Variants in CRYBG3 observed in about 807,000 individuals in gnomAD.
CRYBG3 encodes the protein crystallin beta-gamma domain containing 3, also known as very large A-kinase anchor protein.
Under a neutral mutation model 244.2 loss-of-function variants are expected in CRYBG3, and 127 were observed. The ratio of observed to expected loss-of-function variants is 0.52; its 90% CI spans 0.45 to 0.60. CRYBG3 has a LOEUF of 0.60. Among genes scored for constraint, CRYBG3 ranks in the 20% least tolerant of loss-of-function variants. The pLI is 0.00. For missense variants in CRYBG3, 3,325 were observed against 3,442.5 expected, an observed-to-expected ratio of 0.97 and a Z score of 0.85; for synonymous variants, 1,132 against 1,195.8, an observed-to-expected ratio of 0.95 and a Z score of 1.10.
intron 17 of CRYBG3, among the ~76,000 whole-genome samples, chr3:97,926,069 A>G (rs1005295299): frequency 2.0e-5 from 3 of 151,994 alleles, no homozygotes; most frequent in Admixed American, 6.6e-5. Flanking sequence ...CACTCATTCT[A>G]TGAGGCCAGC....
intron 15 of CRYBG3, among the ~76,000 whole-genome samples, chr3:97,905,026 GAA>G (rs2039754253): frequency 1.3e-5 from 2 of 151,600 alleles, no homozygotes; most frequent in South Asian, 4.2e-4. Context: ...AGTTTACTGA[GAA>G]TGATGATTTC....
At chr3:97,943,096 T>C (rs1233844789) in intron 21 of CRYBG3, 130 bp from the exon 22 acceptor site, 6 of 613,534 alleles carry the variant, frequency 9.8e-6, no homozygotes, top group Non-Finnish European at 1.7e-5. Flanking sequence ...CAGCTTCCCA[T>C]TTCAGACTTC....
chr3:97,899,051 G>A, intron 13 of CRYBG3, 26 bp downstream of exon 13: 1 of 1,604,048 alleles, frequency 6.2e-7, no homozygotes, highest in South Asian at 1.1e-5. Flanking sequence ...TAAGAACCTT[G>A]AGAGTCTTTG....
chr3:97,896,135 C>G (rs1559736397), intron 12 of CRYBG3, 50 bp downstream of exon 12: 5 of 1,545,110 alleles, frequency 3.2e-6, no homozygotes, highest in Non-Finnish European at 3.5e-6. Context: ...AAAATCTGTT[C>G]ACAAAAATTG....
chr3:97,902,434 T>G (rs963669193), intron 15 of CRYBG3, among the ~76,000 whole-genome samples: 8 of 152,130 alleles, frequency 5.3e-5, no homozygotes, highest in Non-Finnish European at 7.3e-5. Context: ...ATTTTATTTA[T>G]TTTTTGTTTT....
intron 3 of CRYBG3, among the ~76,000 whole-genome samples, chr3:97,867,850 A>G (rs947539491): frequency 6.6e-6 from 1 of 152,176 alleles, no homozygotes; most frequent in Non-Finnish European, 1.5e-5. Flanking sequence ...TCTTCCTCCT[A>G]TTGTTAAATA....
chr3:97,899,095 C>A, intron 13 of CRYBG3, 42 bp from the exon 14 acceptor site: 1 of 1,599,976 alleles, frequency 6.3e-7, no homozygotes. Context: ...AATTGTATAT[C>A]ACTTGTTTTT....
chr3:97,863,989 C>T (rs1169043404), intron 2 of CRYBG3, among the ~76,000 whole-genome samples: 1 of 152,106 alleles, frequency 6.6e-6, no homozygotes, highest in Non-Finnish European at 1.5e-5. Context: ...GCTCTGGGCT[C>T]CCATGTGTGC....
intron 2 of CRYBG3, among the ~76,000 whole-genome samples, chr3:97,853,799 G>A (rs1342883857): frequency 6.6e-6 from 1 of 151,954 alleles, no homozygotes; most frequent in Non-Finnish European, 1.5e-5. Flanking sequence ...TATCACAATT[G>A]TGGTTTTGAT....
At chr3:97,900,149 A>G (rs1367867642) in intron 14 of CRYBG3, among the ~76,000 whole-genome samples, 2 of 118,030 alleles carry the variant, frequency 1.7e-5, no homozygotes, top group Non-Finnish European at 2.0e-5. Context: ...GTAGTTCGAC[A>G]CCAGCCTGAG....
At chr3:97,912,309 A>G in intron 16 of CRYBG3, 33 bp downstream of exon 16, 1 of 1,082,684 alleles carries the variant, frequency 9.2e-7, no homozygotes, top group Non-Finnish European at 1.4e-6. Context: ...TTCTGCTGTT[A>G]TTTAATAACT....
chr3:97,842,020 C>T (rs2038826619), intron 1 of CRYBG3, among the ~76,000 whole-genome samples: 1 of 152,098 alleles, frequency 6.6e-6, no homozygotes, highest in Non-Finnish European at 1.5e-5. Flanking sequence ...TTCTTTTATG[C>T]TTCGTAGCAT....
Position 97,896,043 on chromosome 3 carries a change from T to G in CRYBG3, c.7659T>G (p.Gly2553=). Residue 2553 remains glycine, a synonymous_variant, in exon 12 of 22, where the codon GGT becomes GGG. Transcript: ENST00000389622. ...EGDFEDSNAC[G]ALSSPILSFR... The stretch of plus-strand genomic sequence containing the variant: ...ACTTTGAAGACAGTAATGCTTGTGG[T>G]GCATTAAGTAGCCCTATCTTGTCTT... 6.2e-7 allele frequency: 1 copy of G among 1,613,130 alleles called. No homozygotes were observed. Among genetic ancestry groups the G allele is most frequent in the Non-Finnish European group, 8.5e-7 (1 of 1,179,250 alleles).
intron 11 of CRYBG3, among the ~76,000 whole-genome samples, chr3:97,893,607 T>C (rs2039606360): frequency 6.6e-6 from 1 of 152,214 alleles, no homozygotes; most frequent in Non-Finnish European, 1.5e-5. Flanking sequence ...TCCTGGTAGG[T>C]GAAACAATGA....
Position 97,926,771 on chromosome 3 carries a change from C to T in CRYBG3, c.8242-6923C>T, listed in dbSNP as rs189029156. Reference sequence around the variant, plus strand: ...AAAAATCAGTAGCATTTCTATACACCGGTAACGTCCAAGCTGAGAGCCAAA... The same window carrying T: ...AAAAATCAGTAGCATTTCTATACACTGGTAACGTCCAAGCTGAGAGCCAAA... On this transcript the variant is annotated intron_variant, in intron 17 of 21. Transcript: ENST00000389622. 1.5e-3 allele frequency among the ~76,000 whole-genome samples: 234 copies of T among 152,008 alleles called. 1 individual carries two copies. The highest frequency in any genetic ancestry group is 5.3e-3 in the African/African-American group (219 of 41,460).
Position 97,872,181 on chromosome 3 carries a change from C to T in CRYBG3, c.987C>T (p.Ser329=). Residue 329 remains serine (S), a synonymous_variant, in exon 4 of 22, where the codon TCC becomes TCT. Coordinates refer to ENST00000389622, the MANE Select transcript of CRYBG3 (RefSeq NM_153605.4). ...CAGAACTGCAGAATATTGCCTCTTC[C>T]AATAATCTTTTAAATAAAAATGCTT... ...NNPELQNIAS[S]NNLLNKNAWG... 6.5e-7 allele frequency: 1 copy of T among 1,535,590 alleles called. No individual in the cohort carries two copies. The highest frequency in any genetic ancestry group is 1.7e-4 in the Middle Eastern group (1 of 5,990).
intron 15 of CRYBG3, among the ~76,000 whole-genome samples, chr3:97,908,254 C>T (rs2039802454): frequency 6.6e-6 from 1 of 152,222 alleles, no homozygotes; most frequent in South Asian, 2.1e-4. Context: ...CTGTAGATGT[C>T]TATTAGGTCC....
intron 17 of CRYBG3, 42 bp downstream of exon 17, chr3:97,915,778 T>G (rs2039922714): frequency 6.7e-7 from 1 of 1,501,858 alleles, no homozygotes. Context: ...ATTCTTTTTC[T>G]TGTCCAGTTT....
intron 4 of CRYBG3, among the ~76,000 whole-genome samples, chr3:97,878,929 T>G (rs1187502865): frequency 6.6e-6 from 1 of 152,218 alleles, no homozygotes; most frequent in East Asian, 1.9e-4. Context: ...CTTTCCTTTC[T>G]GGCATTTCCA....
Sources: allele counts gnomAD v4.1 joint callset (sites outside exome capture counted in the v4.1 genomes callset), GRCh38; gene constraint gnomAD v4.1.1; transcripts MANE v1.5; gene names NCBI Gene and HGNC (gene_info 2026-07-23, HGNC 2026-07-21).